The following CNGB3 variants were observed in gnomAD, a reference collection of about 807,000 sequenced individuals.
The protein encoded by CNGB3 is cyclic nucleotide gated channel subunit beta 3, also known as cyclic nucleotide-gated channel beta-3.
A neutral mutation model predicts 92.8 loss-of-function variants in CNGB3; 86 were observed. The observed-to-expected ratio is 0.93, with a 90% CI of 0.78 to 1.11. The LOEUF is 1.11. CNGB3 is among the 50% of genes least tolerant of loss of function. The pLI is 0.00. For missense variants in CNGB3, 1,026 were observed against 956.8 expected, an observed-to-expected ratio of 1.07 and a Z score of -0.95; for synonymous variants, 333 against 332.7, an observed-to-expected ratio of 1.00 and a Z score of -0.01.
At chr8:86,716,754 C>A (rs886810663) in intron 3 of CNGB3, among the ~76,000 whole-genome samples, 31 of 152,222 alleles carry the variant, frequency 2.0e-4, no homozygotes, top group African/African-American at 5.3e-4. Context: ...CAACATACAC[C>A]AAAATAGAAC....
At chr8:86,680,195 G>T (rs1403543404) in intron 3 of CNGB3, among the ~76,000 whole-genome samples, 1 of 152,146 alleles carries the variant, frequency 6.6e-6, no homozygotes, top group African/African-American at 2.4e-5. Context: ...CATACATCCC[G>T]AGATGACAGA....
intron 3 of CNGB3, among the ~76,000 whole-genome samples, chr8:86,674,719 G>A (rs2131622155): frequency 6.6e-6 from 1 of 152,250 alleles, no homozygotes. Context: ...CATGATGAAA[G>A]TTTTGGTAAA....
rs568626634 is a variant in CNGB3, at chr8:86,593,749, C to G, written c.1781+10344G>C. 5.6e-6 allele frequency: 7 copies of G among 1,247,526 alleles called. No homozygotes were observed. The East Asian group carries it at 1.6e-4, about 28-fold the overall frequency. 77.3% of individuals were successfully genotyped at this position (1,247,526 alleles called of 1,614,324 possible). A position where few individuals can be genotyped will look rare whatever the true frequency, so the allele number is the denominator to read the frequency against. ...AGTGGTGGGGGTGGAAGAAGCGTCA[C>G]CAGCTCAGGATGCCAGGGCAGTACT... On this transcript the variant is annotated intron_variant, in intron 15 of 17. Transcript: ENST00000320005.
chr8:86,587,764 G>C (rs1226862454), intron 15 of CNGB3, among the ~76,000 whole-genome samples: 2 of 149,632 alleles, frequency 1.3e-5, no homozygotes, highest in Non-Finnish European at 3.0e-5. Context: ...TTTGAAGTCA[G>C]GTAGTGTGAT....
intron 6 of CNGB3, chr8:86,660,712 T>A: frequency 3.8e-6 from 2 of 528,864 alleles, no homozygotes; most frequent in Admixed American, 3.9e-5. Context: ...CCATACACAG[T>A]GCTCCCCCAT....
At chr8:86,597,848 G>A (rs1035645181) in intron 15 of CNGB3, among the ~76,000 whole-genome samples, 16 of 152,130 alleles carry the variant, frequency 1.1e-4, no homozygotes, top group Admixed American at 5.9e-4. Flanking sequence ...GCACGATGGC[G>A]AAACCTGTAA....
rs148816385 is a variant in CNGB3 at position 86,586,010 on chromosome 8, G to A, written c.1782-6758C>T. On this transcript the variant is annotated intron_variant, in intron 15 of 17. Coordinates refer to ENST00000320005, the MANE Select transcript of CNGB3 (RefSeq NM_019098.5). ...TTTAAACATTTGTCTTTCTCAGAGA[G>A]GCTTTGATAAGTACTTTTTTGGATG... is the stretch of plus-strand genomic sequence containing the variant. Among the ~76,000 whole-genome samples, 3 of 152,264 alleles carry A rather than the reference G, an allele frequency of 2.0e-5. No homozygotes were observed. In the East Asian group the frequency reaches 5.8e-4, roughly 29 times the overall value.
chr8:86,662,547 C>T (rs1264670895), intron 6 of CNGB3, among the ~76,000 whole-genome samples: 3 of 152,176 alleles, frequency 2.0e-5, no homozygotes, highest in African/African-American at 7.2e-5. Flanking sequence ...GTGTCTTATT[C>T]AATCTTCATA....
At chr8:86,684,349 T>C (rs1273044200) in intron 3 of CNGB3, among the ~76,000 whole-genome samples, 1 of 152,042 alleles carries the variant, frequency 6.6e-6, no homozygotes, top group African/African-American at 2.4e-5. Context: ...CAACACCAAA[T>C]GCTGGCAAGC....
rs368337736 is a variant in CNGB3, at chr8:86,637,486, CT to C, written c.1179-4594del. On this transcript the variant is annotated intron_variant, in intron 10 of 17. Coordinates refer to ENST00000320005, the MANE Select transcript of CNGB3 (RefSeq NM_019098.5). The stretch of plus-strand genomic sequence containing the variant: ...CAAATTTTTGGATTTTTTTCTGTTC[CT>C]GTAAAAAAATCATTGAGATTTTGAT... 8.1e-3 allele frequency among the ~76,000 whole-genome samples: 1,238 copies of C among 151,952 alleles called. 21 individuals are homozygous for C. Among genetic ancestry groups the C allele is most frequent in the African/African-American group, 0.029 (1,185 of 41,440 alleles).
chr8:86,594,943 C>T (rs1822137094), intron 15 of CNGB3, among the ~76,000 whole-genome samples: 1 of 152,002 alleles, frequency 6.6e-6, no homozygotes, highest in African/African-American at 2.4e-5. Flanking sequence ...AGGATGGTCT[C>T]GGTTTCCTGA....
rs1358482909 is a variant in CNGB3 at position 86,579,178 on chromosome 8, A to G, written c.1856T>C (p.Leu619Pro). ...VAHGFANLLT[L>P]DKKTLQEILV... is the part of the protein sequence containing the mutation. ...AATTTCTTGGAGGGTCTTTTTGTCT[A>G]GAGTTAAAAGATTGGCAAACCCGTG... is the stretch of plus-strand genomic sequence containing the variant. The change falls in exon 16 of 18, where the codon CTA becomes CCA. Residue 619 changes from leucine to proline, a missense_variant. Physicochemically the swap from Leu to Pro is moderately conservative, Grantham distance 98. Transcript: ENST00000320005. 1.2e-5 allele frequency: 20 copies of G among 1,614,032 alleles called. No homozygotes were observed. The highest frequency in any genetic ancestry group is 1.7e-5 in the Non-Finnish European group (20 of 1,180,004).
chr8:86,696,449 G>C (rs930259675), intron 3 of CNGB3, among the ~76,000 whole-genome samples: 1 of 152,068 alleles, frequency 6.6e-6, no homozygotes, highest in Non-Finnish European at 1.5e-5. Context: ...CTGGTTTTTG[G>C]CATCTGCAGT....
chr8:86,679,082 T>C (rs1325872432), intron 3 of CNGB3, among the ~76,000 whole-genome samples: 1 of 152,150 alleles, frequency 6.6e-6, no homozygotes, highest in Admixed American at 6.6e-5. Context: ...ACAATGTTCC[T>C]GAAAATTGGT....
chr8:86,686,918 T>C (rs899283856), intron 3 of CNGB3, among the ~76,000 whole-genome samples: 1 of 152,076 alleles, frequency 6.6e-6, no homozygotes, highest in African/African-American at 2.4e-5. Context: ...TTTATGTCTC[T>C]TTTAAAGAAA....
At chr8:86,590,566 C>T (rs1822005928) in intron 15 of CNGB3, among the ~76,000 whole-genome samples, 1 of 151,994 alleles carries the variant, frequency 6.6e-6, no homozygotes, top group Non-Finnish European at 1.5e-5. Flanking sequence ...ATTTGCTTGT[C>T]TGTAAAGTAT....
rs66881636 is a variant in CNGB3 at position 86,739,642 on chromosome 8, A to C, written c.211+13T>G. On this transcript the variant is annotated intron_variant, in intron 2 of 17. Coordinates refer to ENST00000320005, the MANE Select transcript of CNGB3 (RefSeq NM_019098.5). Reference sequence around the variant, plus strand: ...TTAGTTTTTTTTTTTTTTTTTTCAGACTGCATTCTGACCTTGTATGTTGGT... The same window carrying C: ...TTAGTTTTTTTTTTTTTTTTTTCAGCCTGCATTCTGACCTTGTATGTTGGT... 0.037 allele frequency: 58,379 copies of C among 1,565,710 alleles called. 1,544 individuals are homozygous for C. The highest frequency in any genetic ancestry group is 0.12 in the East Asian group (5,405 of 44,110).
chr8:86,669,597 C>T (rs144571069), intron 4 of CNGB3, among the ~76,000 whole-genome samples: 84 of 152,182 alleles, frequency 5.5e-4, no homozygotes, highest in Non-Finnish European at 3.2e-4. Flanking sequence ...ATATCTTTAT[C>T]GAAGTATAAT....
At chr8:86,638,500 T>C (rs1472384108) in intron 10 of CNGB3, among the ~76,000 whole-genome samples, 3 of 152,142 alleles carry the variant, frequency 2.0e-5, no homozygotes, top group East Asian at 3.8e-4. Flanking sequence ...TCTTTCTGTG[T>C]GGACCTTCCT....
Sources: gnomAD v4.1 joint callset for allele counts (sites outside exome capture counted in the v4.1 genomes callset) on GRCh38, gnomAD v4.1.1 for gene constraint, MANE v1.5 for transcripts, NCBI Gene and HGNC (gene_info 2026-07-23, HGNC 2026-07-21) for gene names.